Variants in NFAT5 observed in about 807,000 individuals in gnomAD.
The protein encoded by NFAT5 is nuclear factor of activated T-cells 5.
NFAT5 carries 31 observed loss-of-function variants against 166.5 expected under a neutral mutation model. The ratio of observed to expected loss-of-function variants is 0.19; its 90% CI spans 0.14 to 0.25. The LOEUF is 0.25. Ranked by LOEUF, NFAT5 falls within the 10% of genes least tolerant of loss-of-function variation. The probability of loss-of-function intolerance (pLI) is 1.00; values close to 1 mark genes in which losing one functional copy is unlikely to be tolerated. For missense variants in NFAT5, 1,449 were observed against 1,821.8 expected, an observed-to-expected ratio of 0.80 and a Z score of 3.72; for synonymous variants, 612 against 639.7, an observed-to-expected ratio of 0.96 and a Z score of 0.65.
chr16:69,592,423 A>AT (rs942418010), intron 2 of NFAT5, among the ~76,000 whole-genome samples: 9 of 151,500 alleles, frequency 5.9e-5, no homozygotes, highest in South Asian at 2.1e-4. Flanking sequence ...GTTGTCACTG[A>AT]TTTTTTTTTG....
rs934271710 is a variant in NFAT5, at chr16:69,700,000, C to A, written c.*3649C>A. ...AAAGTATCATGTTATTTAGCCAATG[C>A]AAATCTGTTTTAAAACAAATAGTTT... is the stretch of plus-strand genomic sequence containing the variant. On this transcript the variant is annotated 3_prime_UTR_variant, in exon 15 of 15. Transcript: ENST00000349945. 1 of 152,070 alleles carries A rather than the reference C, an allele frequency of 6.6e-6. No individual in the cohort carries two copies. Among genetic ancestry groups the A allele is most frequent in the Non-Finnish European group, 1.5e-5 (1 of 68,024 alleles). 9.4% of individuals were successfully genotyped at this position (152,070 alleles called of 1,614,324 possible). A position where few individuals can be genotyped will look rare whatever the true frequency, so the allele number is the denominator to read the frequency against.
At chr16:69,610,000 GAA>G (rs1491442502) in intron 2 of NFAT5, among the ~76,000 whole-genome samples, 9 of 147,874 alleles carry the variant, frequency 6.1e-5, no homozygotes, top group South Asian at 2.1e-4. Flanking sequence ...AGTGAGACAA[GAA>G]GAGAGAGAGA....
At chr16:69,630,965 T>C (rs1161268376) in intron 3 of NFAT5, among the ~76,000 whole-genome samples, 2 of 152,242 alleles carry the variant, frequency 1.3e-5, no homozygotes, top group East Asian at 1.9e-4. Flanking sequence ...TCATGGACTT[T>C]AGTCTTCATT....
intron 2 of NFAT5, among the ~76,000 whole-genome samples, chr16:69,587,109 G>A (rs1412381459): frequency 1.3e-5 from 2 of 152,032 alleles, no homozygotes; most frequent in Non-Finnish European, 2.9e-5. Context: ...TTGAGACAAA[G>A]TCTCGCTCTG....
chr16:69,664,475 C>T (rs905486241), intron 7 of NFAT5, among the ~76,000 whole-genome samples: 1 of 151,828 alleles, frequency 6.6e-6, no homozygotes, highest in African/African-American at 2.4e-5. Context: ...TTAGTAGAGA[C>T]GGGGTTTCAC....
At chr16:69,632,125 A>G (rs888702704) in intron 3 of NFAT5, 4 of 152,218 alleles carry the variant, frequency 2.6e-5, no homozygotes, top group African/African-American at 7.2e-5. Context: ...AATTCATTTC[A>G]TATCTCCTAA....
intron 9 of NFAT5, among the ~76,000 whole-genome samples, chr16:69,674,659 A>G (rs928444417): frequency 6.6e-6 from 1 of 152,176 alleles, no homozygotes; most frequent in African/African-American, 2.4e-5. Context: ...TCTAAGAGTA[A>G]TTTTGTAATG....
chr16:69,567,945 G>A (rs779311797), intron 1 of NFAT5, among the ~76,000 whole-genome samples: 1 of 152,048 alleles, frequency 6.6e-6, no homozygotes, highest in Non-Finnish European at 1.5e-5. Flanking sequence ...GTTTAGCTTC[G>A]AGACCAATGT....
At chr16:69,695,455 G>A (rs1421712831) in intron 14 of NFAT5, 76 bp downstream of exon 14, 1 of 1,001,682 alleles carries the variant, frequency 1.0e-6, no homozygotes, top group African/African-American at 1.6e-5. Context: ...TTAAGTAATA[G>A]TAGTTCTAAT....
chr16:69,675,576 T>C (rs2036799761), intron 9 of NFAT5, among the ~76,000 whole-genome samples: 1 of 152,224 alleles, frequency 6.6e-6, no homozygotes, highest in African/African-American at 2.4e-5. Context: ...GTGGTTTTTT[T>C]GAGATGGCCA....
chr16:69,674,492 A>G (rs186512774), intron 9 of NFAT5, among the ~76,000 whole-genome samples: 4 of 152,136 alleles, frequency 2.6e-5, no homozygotes, highest in Admixed American at 2.6e-4. Flanking sequence ...ATCTATATAT[A>G]CAAATATACA....
intron 2 of NFAT5, among the ~76,000 whole-genome samples, chr16:69,610,839 A>G (rs7205571): frequency 2.4e-4 from 37 of 152,212 alleles, no homozygotes; most frequent in African/African-American, 8.7e-4. Flanking sequence ...ATGGCCCTCT[A>G]TATATTTCTT....
intron 11 of NFAT5, chr16:69,690,636 T>A (rs1294220675): frequency 6.2e-6 from 1 of 161,792 alleles, no homozygotes; most frequent in East Asian, 1.7e-4. Flanking sequence ...ATACTCTTGG[T>A]CAGGTTGGGT....
chr16:69,667,106 G>A (rs1342864662), intron 7 of NFAT5, among the ~76,000 whole-genome samples: 3 of 148,324 alleles, frequency 2.0e-5, no homozygotes, highest in Non-Finnish European at 3.0e-5. Flanking sequence ...CTCACTCATA[G>A]GTGGGAATTG....
chr16:69,655,313 A>AGTACT (rs1210778140), intron 5 of NFAT5, among the ~76,000 whole-genome samples: 1 of 152,174 alleles, frequency 6.6e-6, no homozygotes, highest in Non-Finnish European at 1.5e-5. Flanking sequence ...TGCTGCCTGA[A>AGTACT]GTACTGTGCA....
At chr16:69,568,944 C>T (rs2016272619) in intron 2 of NFAT5, among the ~76,000 whole-genome samples, 1 of 152,106 alleles carries the variant, frequency 6.6e-6, no homozygotes, top group African/African-American at 2.4e-5. Flanking sequence ...CATTTATATG[C>T]TGAGCATTTC....
At chr16:69,630,442 A>G (rs2034662976) in intron 3 of NFAT5, among the ~76,000 whole-genome samples, 1 of 152,132 alleles carries the variant, frequency 6.6e-6, no homozygotes, top group African/African-American at 2.4e-5. Context: ...AAGCACTGGA[A>G]TTCCAGGTGT....
intron 4 of NFAT5, chr16:69,649,698 A>G (rs1303449054): frequency 1.3e-5 from 4 of 310,754 alleles, no homozygotes; most frequent in African/African-American, 2.3e-5. Context: ...CTTAAAAATA[A>G]TTTTTCAGAG....
At chr16:69,634,215 GT>G (rs2034848625) in intron 3 of NFAT5, among the ~76,000 whole-genome samples, 1 of 143,420 alleles carries the variant, frequency 7.0e-6, no homozygotes, top group Admixed American at 7.4e-5. Flanking sequence ...GGAGGCAGAG[GT>G]TACAGTGAGC....
Sources: gnomAD v4.1 joint callset for allele counts (sites outside exome capture counted in the v4.1 genomes callset) on GRCh38, gnomAD v4.1.1 for gene constraint, MANE v1.5 for transcripts, NCBI Gene and HGNC (gene_info 2026-07-23, HGNC 2026-07-21) for gene names.